SYNE1: variants seen among roughly 807,000 people sequenced by gnomAD.
SYNE1 encodes nesprin-1.
A neutral mutation model predicts 1,111.0 loss-of-function variants in SYNE1; 616 were observed. That is an observed-to-expected ratio of 0.55 (90% confidence interval 0.52 to 0.59). The LOEUF (loss-of-function observed/expected upper bound fraction) is 0.59, where lower values mean the gene tolerates loss of function less well. SYNE1 is among the 20% of genes least tolerant of loss of function. SYNE1 has a pLI of 0.00. For missense variants in SYNE1, 10,006 were observed against 10,417.0 expected (o/e 0.96, Z 1.72); for synonymous variants, 3,855 against 3,825.8 (o/e 1.01, Z -0.28).
intron 141 of SYNE1, among the ~76,000 whole-genome samples, chr6:152,136,268 C>T (rs146380037): frequency 2.0e-5 from 3 of 152,288 alleles, no homozygotes; most frequent in East Asian, 1.9e-4. Context: ...ATTTGCAATG[C>T]TCACTTTGAT....
intron 25 of SYNE1, chr6:152,453,342 A>T: frequency 4.8e-6 from 3 of 624,734 alleles, no homozygotes; most frequent in African/African-American, 1.8e-5. Context: ...AAAAAAAATC[A>T]GGAAACCAAA....
At chr6:152,472,161 G>A (rs1428361044) in intron 15 of SYNE1, 140 bp downstream of exon 15, 1 of 703,130 alleles carries the variant, frequency 1.4e-6, no homozygotes, top group South Asian at 1.8e-5. Flanking sequence ...TTCTTAGCAT[G>A]TCTTATGGGA....
intron 131 of SYNE1, among the ~76,000 whole-genome samples, chr6:152,160,196 C>T (rs1286857993): frequency 1.3e-5 from 2 of 152,024 alleles, no homozygotes; most frequent in African/African-American, 4.8e-5. Context: ...TTAGTAGAGA[C>T]GGGGTTTCAC....
rs990780718 is a variant in SYNE1, at chr6:152,232,318, C to A, written c.20713-53G>T. On this transcript the variant is annotated intron_variant, in intron 112 of 145. Transcript: ENST00000367255. ...CCAAGTGTTAAAATGGAAACCCCAA[C>A]TTCTGCTAACTTAAAAACCCTACAA... is the stretch of plus-strand genomic sequence containing the variant. 9 of 1,577,278 alleles carry A rather than the reference C, an allele frequency of 5.7e-6. No individual in the cohort carries two copies. In the African/African-American group the frequency reaches 1.2e-4, roughly 21 times the overall value.
chr6:152,367,687 G>A (rs1383743415), intron 61 of SYNE1: 6 of 380,386 alleles, frequency 1.6e-5, no homozygotes, highest in Non-Finnish European at 3.0e-5. Context: ...ACTGGTCAAA[G>A]TAGTTTCTAG....
chr6:152,277,329 G>A (rs117866066), intron 98 of SYNE1, among the ~76,000 whole-genome samples: 12,575 of 136,582 alleles, frequency 0.092, 710 homozygotes, highest in Middle Eastern at 0.23. Context: ...CCAGACTGGA[G>A]TGCAGTGATA....
chr6:152,441,301 T>A, intron 31 of SYNE1, 31 bp from the exon 32 acceptor site: 1 of 1,589,198 alleles, frequency 6.3e-7, no homozygotes, highest in Non-Finnish European at 8.6e-7. Flanking sequence ...AACAAATGGG[T>A]TACAAATGTC....
chr6:152,300,505 A>G (rs2095111433), intron 93 of SYNE1, 136 bp downstream of exon 93: 2 of 1,247,872 alleles, frequency 1.6e-6, no homozygotes, highest in Admixed American at 3.8e-5. Flanking sequence ...TTGTGCAACT[A>G]TAACACCTAA....
At chr6:152,544,774 G>T (rs951698020) in intron 3 of SYNE1, among the ~76,000 whole-genome samples, 1 of 152,076 alleles carries the variant, frequency 6.6e-6, no homozygotes, top group Admixed American at 6.6e-5. Context: ...AGTCACCTGC[G>T]GGTACTGCAC....
Position 152,254,870 on chromosome 6 carries a change from T to A in SYNE1, c.19470+10A>T. 6.2e-7 allele frequency: 1 copy of A among 1,611,032 alleles called. No homozygotes were observed. The highest frequency in any genetic ancestry group is 1.1e-5 in the South Asian group (1 of 90,776). On this transcript the variant is annotated intron_variant, in intron 104 of 145. Coordinates refer to ENST00000367255, the MANE Select transcript of SYNE1 (RefSeq NM_182961.4). ...AATGGTCACGTATCCTTTGATAATATCTTACTTACCTGGAAATTTAGTATT... is the reference window on the plus strand; with the variant it reads ...AATGGTCACGTATCCTTTGATAATAACTTACTTACCTGGAAATTTAGTATT...
chr6:152,168,875 C>T (rs1346633221), intron 130 of SYNE1, among the ~76,000 whole-genome samples: 1 of 152,088 alleles, frequency 6.6e-6, no homozygotes, highest in African/African-American at 2.4e-5. Flanking sequence ...ACAAAAATAA[C>T]ATTTTCATTT....
rs367675733 is a variant in SYNE1 at position 152,403,933 on chromosome 6, C to T, written c.6825+280G>A. Among the ~76,000 whole-genome samples the T allele has an allele frequency of 1.2e-4, 18 of 151,748 alleles. 2 individuals carry two copies. Among genetic ancestry groups the T allele is most frequent in the Admixed American group, 1.1e-3 (16 of 15,210 alleles). On this transcript the variant is annotated intron_variant, in intron 46 of 145. Coordinates refer to ENST00000367255, the MANE Select transcript of SYNE1 (RefSeq NM_182961.4). The stretch of plus-strand genomic sequence containing the variant: ...GTGGAAATATATTAATATTTTGACT[C>T]CCATGTCTGATACAATCCACATGTT...
chr6:152,249,058 T>C (rs565569407), intron 105 of SYNE1, 103 bp downstream of exon 105: 1 of 808,978 alleles, frequency 1.2e-6, no homozygotes, highest in East Asian at 2.6e-5. Flanking sequence ...CAAACAAAAG[T>C]GCCACTGTGA....
rs11387272 is a variant in SYNE1 at position 152,606,976 on chromosome 6, C to CTTTTTTT, written c.67+21288_67+21289insAAAAAAA. Among the ~76,000 whole-genome samples the CTTTTTTT allele has an allele frequency of 1.1e-4, 12 of 109,134 alleles. 2 individuals carry two copies. The highest frequency in any genetic ancestry group is 3.7e-4 in the African/African-American group (10 of 26,812). The allele number at this position is 109,134 out of a possible 152,430, so 71.6% of individuals were successfully genotyped here. A position where few individuals can be genotyped will look rare whatever the true frequency, so the allele number is the denominator to read the frequency against. On this transcript the variant is annotated intron_variant, in intron 3 of 145. Coordinates refer to ENST00000367255, the MANE Select transcript of SYNE1 (RefSeq NM_182961.4). Reference sequence around the variant, plus strand: ...GCAAAAGGAAAGGCATGCCTCGGTTCTCTTTTTTTTTTTTTTTTTTTTTTT... The same window carrying CTTTTTTT: ...GCAAAAGGAAAGGCATGCCTCGGTTCTTTTTTTTCTTTTTTTTTTTTTTTTTTTTTTT...
rs774416594 is a variant in SYNE1, at chr6:152,323,502, G to A, written c.15893C>T (p.Thr5298Ile). Residue 5298 changes from threonine to isoleucine, a missense_variant, in exon 82 of 146, where the codon ACC becomes ATC. Physicochemically the swap from Thr to Ile is moderately conservative, Grantham distance 89. This residue lies in a region of SYNE1 where 4,955 missense variants were observed against 5,017.2 expected (regional missense o/e 0.99). Transcript: ENST00000367255. ...CTTCAGGCACCGATCTTGCATGGCG[G>A]TGATTTCCTGCATGAGCGGAGGCTC... ...GEEPPLMQEI[T>I]AMQDRCLNMQ... The A allele has an allele frequency of 7.4e-6, 12 of 1,613,958 alleles. No homozygotes were observed. Among genetic ancestry groups the A allele is most frequent in the African/African-American group, 2.7e-5 (2 of 74,956 alleles).
At chr6:152,456,153 G>T in intron 22 of SYNE1, 109 bp from the exon 23 acceptor site, 1 of 1,194,848 alleles carries the variant, frequency 8.4e-7, no homozygotes, top group Non-Finnish European at 1.2e-6. Flanking sequence ...TAGCTTTTAG[G>T]CTTCTAACAC....
rs1204869351 is a variant in SYNE1, at chr6:152,330,823, G to A, written c.13862C>T (p.Thr4621Met). The A allele has an allele frequency of 9.9e-6, 16 of 1,613,930 alleles. No homozygotes were observed. The highest frequency in any genetic ancestry group is 1.6e-4 in the Middle Eastern group (1 of 6,062). The change falls in exon 78 of 146, where the codon ACG becomes ATG. Residue 4621 changes from threonine to methionine, a missense_variant. Thr to Met is a moderately conservative substitution (Grantham distance 81, BLOSUM62 -1). Coordinates refer to ENST00000367255, the MANE Select transcript of SYNE1 (RefSeq NM_182961.4). ...QSPEYENLLLTLQRTGQTILP... is the reference protein window; with the variant it reads ...QSPEYENLLLMLQRTGQTILP... ...TATGGTCTGCCCAGTTCTCTGCAGC[G>A]TAAGTAGAAGATTTTCATATTCTGG...
At chr6:152,630,006 A>G (rs2623943) in intron 2 of SYNE1, among the ~76,000 whole-genome samples, 112,161 of 151,724 alleles carry the variant, frequency 0.74, 41,554 homozygotes, top group East Asian at 0.81. Context: ...GATTGGTTAA[A>G]TAATAGAGTG....
chr6:152,269,322 A>G, intron 98 of SYNE1, 36 bp from the exon 99 acceptor site: 1 of 1,613,566 alleles, frequency 6.2e-7, no homozygotes, highest in Non-Finnish European at 8.5e-7. Context: ...GTCATGCTAC[A>G]CACCGGAAAA....
Sources: gnomAD v4.1 joint callset for allele counts (sites outside exome capture counted in the v4.1 genomes callset) on GRCh38, gnomAD v4.1.1 for gene constraint, gnomAD v4.1.1 regional missense constraint, MANE v1.5 for transcripts, NCBI Gene and HGNC (gene_info 2026-07-23, HGNC 2026-07-21) for gene names.